NCR3LG1: variants seen among roughly 807,000 people sequenced by gnomAD.
NCR3LG1 encodes natural killer cell cytotoxicity receptor 3 ligand 1.
In NCR3LG1, 35 loss-of-function variants were observed where a neutral mutation model predicts 34.8. The ratio of observed to expected loss-of-function variants is 1.01; its 90% confidence interval spans 0.77 to 1.33. NCR3LG1 has a LOEUF of 1.33. Ranked by LOEUF, NCR3LG1 falls within the 40% of genes most tolerant of loss-of-function variation. The probability of loss-of-function intolerance (pLI) is 0.00; values close to 1 mark genes in which losing one functional copy is unlikely to be tolerated. For synonymous variants in NCR3LG1, 173 were observed against 163.6 expected, an observed-to-expected ratio of 1.06 and a Z score of -0.44; for missense variants, 452 against 423.3, an observed-to-expected ratio of 1.07 and a Z score of -0.60.
chr11:17,372,273 A>C lies in NCR3LG1; in HGVS notation c.1126A>C (p.Asn376His), dbSNP rs1031613647. ...YVQAFFALRDNPDLCQCCRID... is the reference protein window; with the variant it reads ...YVQAFFALRDHPDLCQCCRID... ...GCAAGCCTTCTTTGCCTTGCGAGACAACCCAGATCTTTGTCAGTGTTGTAG... is the reference window on the plus strand; with the variant it reads ...GCAAGCCTTCTTTGCCTTGCGAGACCACCCAGATCTTTGTCAGTGTTGTAG... The change falls in exon 5 of 5, where the codon AAC becomes CAC. Residue 376 changes from asparagine to histidine, a missense_variant. Asn to His is a moderately conservative substitution (Grantham distance 68). Transcript: ENST00000338965. 1 of 703,032 alleles carries C rather than the reference A, an allele frequency of 1.4e-6. No individual in the cohort carries two copies. Among genetic ancestry groups the C allele is most frequent in the Non-Finnish European group, 2.6e-6 (1 of 385,038 alleles). The allele number at this position is 703,032 out of a possible 1,614,324, so 43.5% of individuals were successfully genotyped here.
chr11:17,367,784 A>T (rs888656060), intron 3 of NCR3LG1, among the ~76,000 whole-genome samples: 4 of 150,918 alleles, frequency 2.7e-5, no homozygotes, highest in African/African-American at 9.8e-5. Context: ...GTCCACTGTA[A>T]ACTGTTGGCT....
chr11:17,354,413 C>G lies in NCR3LG1; in HGVS notation c.71-2238C>G, dbSNP rs908314853. On this transcript the variant is annotated intron_variant, in intron 1 of 4. Coordinates refer to ENST00000338965, the MANE Select transcript of NCR3LG1 (RefSeq NM_001202439.3). ...AATAGACGAGGTTTCCCAAATTTGCCTTCTAAATTTTGATTTGTTGATTTA... is the reference window on the plus strand; with the variant it reads ...AATAGACGAGGTTTCCCAAATTTGCGTTCTAAATTTTGATTTGTTGATTTA... Among the ~76,000 whole-genome samples the G allele has an allele frequency of 5.3e-5, 8 of 152,324 alleles. No individual in the cohort carries two copies. In the South Asian group the frequency reaches 1.4e-3, roughly 28 times the overall value.
chr11:17,357,649 GGC>G (rs1564854673), intron 2 of NCR3LG1, among the ~76,000 whole-genome samples: 3 of 108,810 alleles, frequency 2.8e-5, no homozygotes. Flanking sequence ...CTATATATAC[GGC>G]CAACTGACAG....
intron 1 of NCR3LG1, among the ~76,000 whole-genome samples, chr11:17,354,320 G>C (rs1231427120): frequency 1.3e-5 from 2 of 152,224 alleles, no homozygotes; most frequent in Admixed American, 6.5e-5. Flanking sequence ...AAGCTGTTAA[G>C]GTACTACACT....
Position 17,356,675 on chromosome 11 carries a change from C to T in NCR3LG1, c.95C>T (p.Ala32Val). The change falls in exon 2 of 5, where the codon GCA becomes GTA. Residue 32 changes from alanine to valine, a missense_variant. By Grantham distance (64) the Ala-to-Val change is moderately conservative. Coordinates refer to ENST00000338965, the MANE Select transcript of NCR3LG1 (RefSeq NM_001202439.3). ...TEGDLKVEMMAGGTQITPLND... is the reference protein window; with the variant it reads ...TEGDLKVEMMVGGTQITPLND... Reference sequence around the variant, plus strand: ...GGTGATCTGAAAGTAGAGATGATGGCAGGGGGGACTCAGATCACACCCCTG... The same window carrying T: ...GGTGATCTGAAAGTAGAGATGATGGTAGGGGGGACTCAGATCACACCCCTG... The T allele has an allele frequency of 6.5e-7, 1 of 1,534,714 alleles. No homozygotes were observed.
chr11:17,353,386 T>C (rs550792500), intron 1 of NCR3LG1, among the ~76,000 whole-genome samples: 4 of 152,118 alleles, frequency 2.6e-5, no homozygotes, highest in African/African-American at 9.7e-5. Context: ...AAATTGCGCT[T>C]GTCTCCGCGC....
chr11:17,363,206 G>A (rs1417265217), intron 2 of NCR3LG1, among the ~76,000 whole-genome samples: 1 of 151,384 alleles, frequency 6.6e-6, no homozygotes. Flanking sequence ...TTACAGGCAT[G>A]AGCCACCATG....
At chr11:17,354,439 A>G (rs1953180415) in intron 1 of NCR3LG1, among the ~76,000 whole-genome samples, 1 of 152,098 alleles carries the variant, frequency 6.6e-6, no homozygotes, top group African/African-American at 2.4e-5. Context: ...TGTTGATTTA[A>G]ATCTTCTAAA....
rs1384067264 is a variant in NCR3LG1, at chr11:17,372,439, C to G, written c.1292C>G (p.Pro431Arg). 1.4e-6 allele frequency: 1 copy of G among 699,436 alleles called. No homozygotes were observed. Among genetic ancestry groups the G allele is most frequent in the Non-Finnish European group, 2.6e-6 (1 of 381,908 alleles). 43.3% of individuals were successfully genotyped at this position (699,436 alleles called of 1,614,324 possible). A position where few individuals can be genotyped will look rare whatever the true frequency, so the allele number is the denominator to read the frequency against. ...CTTCCTGTCTCCCCTATCTGGGAACCTCCTCCAGCCACAACATCAACAACT... is the reference window on the plus strand; with the variant it reads ...CTTCCTGTCTCCCCTATCTGGGAACGTCCTCCAGCCACAACATCAACAACT... ...PILPVSPIWEPPPATTSTTPV... is the reference protein window; with the variant it reads ...PILPVSPIWERPPATTSTTPV... Residue 431 changes from proline (P) to arginine (R), a missense_variant, in exon 5 of 5, where the codon CCT becomes CGT. By Grantham distance (103) the Pro-to-Arg change is moderately radical. Transcript: ENST00000338965.
At position 17,373,821 on chromosome 11, in the gene NCR3LG1, G is replaced by A. The variant is rs1953443117; in HGVS notation, c.*1309G>A. On this transcript the variant is annotated 3_prime_UTR_variant, in exon 5 of 5. Transcript: ENST00000338965. ...TAGATAGAGATATTCCAGCACGTAT[G>A]GGGGCCACCATCCTTATGGCTCCAG... 6.6e-6 allele frequency: 1 copy of A among 151,700 alleles called. No homozygotes were observed. The highest frequency in any genetic ancestry group is 1.9e-4 in the East Asian group (1 of 5,182). 9.4% of individuals were successfully genotyped at this position (151,700 alleles called of 1,614,324 possible). A position where few individuals can be genotyped will look rare whatever the true frequency, so the allele number is the denominator to read the frequency against.
chr11:17,372,466 C>T lies in NCR3LG1; in HGVS notation c.1319C>T (p.Pro440Leu), dbSNP rs1953420990. ...CCTCCAGCCACAACATCAACAACTC[C>T]AGTTCTATCCTCCCAACCCCCAACT... is the stretch of plus-strand genomic sequence containing the variant. ...EPPPATTSTTPVLSSQPPTLL... is the reference protein window; with the variant it reads ...EPPPATTSTTLVLSSQPPTLL... Residue 440 changes from proline to leucine, a missense_variant, in exon 5 of 5, where the codon CCA becomes CTA. Physicochemically the swap from Pro to Leu is moderately conservative, Grantham distance 98. Transcript: ENST00000338965. 2 of 702,936 alleles carry T rather than the reference C, an allele frequency of 2.8e-6. No individual in the cohort carries two copies. The highest frequency in any genetic ancestry group is 2.0e-5 in the Admixed American group (1 of 49,802). 43.5% of individuals were successfully genotyped at this position (702,936 alleles called of 1,614,324 possible).
At chr11:17,379,291 A>G (rs1274819864), downstream of NCR3LG1, among the ~76,000 whole-genome samples, 1 of 152,184 alleles carries the variant, frequency 6.6e-6, no homozygotes, top group Non-Finnish European at 1.5e-5. Flanking sequence ...GATAACCCCA[A>G]CATCAGCAAT....
At chr11:17,378,083 C>T (rs1030607689), downstream of NCR3LG1, among the ~76,000 whole-genome samples, 3 of 152,004 alleles carry the variant, frequency 2.0e-5, no homozygotes, top group African/African-American at 7.3e-5. Flanking sequence ...ATTATGATGC[C>T]ACAAGGGTAG....
chr11:17,362,570 T>G (rs548274374), intron 2 of NCR3LG1, among the ~76,000 whole-genome samples: 1 of 152,188 alleles, frequency 6.6e-6, no homozygotes, highest in Non-Finnish European at 1.5e-5. Context: ...AAATGTTTAG[T>G]AGGATTAACC....
At position 17,367,131 on chromosome 11, in the gene NCR3LG1, C is replaced by T; in HGVS notation, c.544C>T (p.Gln182Ter). The T allele has an allele frequency of 2.6e-6, 4 of 1,536,422 alleles. No homozygotes were observed. Among genetic ancestry groups the T allele is most frequent in the Non-Finnish European group, 3.5e-6 (4 of 1,146,982 alleles). ...TAATATAACATGGGAGAAGCAGACC[C>T]AGAAGTTTCCCCATCCCATAGAGAT... The part of the protein sequence containing the change: ...AINITWEKQT[Q>*]KFPHPIEISE... The change falls in exon 3 of 5, where the codon CAG becomes TAG. Residue 182 changes from glutamine (Q) to a stop codon, truncating the protein, a stop_gained. Transcript: ENST00000338965. LOFTEE classifies it high-confidence loss of function.
chr11:17,355,222 C>T (rs1184847132), intron 1 of NCR3LG1, among the ~76,000 whole-genome samples: 5 of 151,958 alleles, frequency 3.3e-5, no homozygotes, highest in African/African-American at 9.7e-5. Flanking sequence ...CTTAGTAAGA[C>T]TCCATCTCTA....
rs1953434030 is a variant in NCR3LG1 at position 17,373,334 on chromosome 11, T to C, written c.*822T>C. On this transcript the variant is annotated 3_prime_UTR_variant, in exon 5 of 5. Transcript: ENST00000338965. Reference sequence around the variant, plus strand: ...TCCCCAAGGTACACCTGCTAGTTGCTACCAATGTGGCAAACTAGGGCACTT... The same window carrying C: ...TCCCCAAGGTACACCTGCTAGTTGCCACCAATGTGGCAAACTAGGGCACTT... 6.6e-6 allele frequency: 1 copy of C among 152,288 alleles called. No individual in the cohort carries two copies. The highest frequency in any genetic ancestry group is 1.5e-5 in the Non-Finnish European group (1 of 68,108). 9.4% of individuals were successfully genotyped at this position (152,288 alleles called of 1,614,324 possible).
chr11:17,359,894 A>G (rs1265760501), intron 2 of NCR3LG1, among the ~76,000 whole-genome samples: 1 of 151,850 alleles, frequency 6.6e-6, no homozygotes, highest in Non-Finnish European at 1.5e-5. Context: ...ATAATGTTGG[A>G]CATCTTTTCA....
chr11:17,377,721 T>C (rs1953490310), downstream of NCR3LG1, among the ~76,000 whole-genome samples: 1 of 152,162 alleles, frequency 6.6e-6, no homozygotes, highest in Admixed American at 6.5e-5. Context: ...TTTATTTCCT[T>C]TGTGGCTCCT....
Sources: allele counts gnomAD v4.1 joint callset (sites outside exome capture counted in the v4.1 genomes callset), GRCh38; gene constraint gnomAD v4.1.1; transcripts MANE v1.5; gene names NCBI Gene and HGNC (gene_info 2026-07-23, HGNC 2026-07-21).